The following PTPRR variants were observed in gnomAD, a reference collection of about 807,000 sequenced individuals.
PTPRR encodes protein tyrosine phosphatase receptor type R.
Under a neutral mutation model 77.2 loss-of-function variants are expected in PTPRR, and 38 were observed. The observed-to-expected ratio is 0.49, with a 90% CI of 0.38 to 0.65. The LOEUF is 0.65. Ranked by LOEUF, PTPRR falls within the 30% of genes least tolerant of loss-of-function variation. The pLI is 0.00. For synonymous variants in PTPRR, 299 were observed against 283.1 expected (o/e 1.06, Z -0.57); for missense variants, 744 against 799.2 (o/e 0.93, Z 0.83).
At chr12:70,912,572 A>G (rs1463868531) in intron 1 of PTPRR, among the ~76,000 whole-genome samples, 2 of 152,174 alleles carry the variant, frequency 1.3e-5, no homozygotes, top group African/African-American at 4.8e-5. Context: ...CATAATATAA[A>G]TAATAGTTTT....
At chr12:70,652,200 T>C (rs1886420506) in intron 13 of PTPRR, among the ~76,000 whole-genome samples, 1 of 152,150 alleles carries the variant, frequency 6.6e-6, no homozygotes, top group African/African-American at 2.4e-5. Flanking sequence ...TTTACTGCCA[T>C]GAGCCAAAAA....
At chr12:70,896,997 C>T (rs1893440357) in intron 1 of PTPRR, among the ~76,000 whole-genome samples, 1 of 151,866 alleles carries the variant, frequency 6.6e-6, no homozygotes, top group Non-Finnish European at 1.5e-5. Context: ...CAGTACCATG[C>T]TGTTTTGGTT....
At chr12:70,899,523 C>A (rs1893494123) in intron 1 of PTPRR, among the ~76,000 whole-genome samples, 1 of 151,308 alleles carries the variant, frequency 6.6e-6, no homozygotes, top group Non-Finnish European at 1.5e-5. Context: ...CATGTCTATT[C>A]ATAGTAAGAA....
chr12:70,817,389 T>A (rs1891923599), intron 2 of PTPRR, among the ~76,000 whole-genome samples: 2 of 152,206 alleles, frequency 1.3e-5, no homozygotes, highest in Admixed American at 1.3e-4. Context: ...GTTATTTTCC[T>A]TATTTTAATA....
chr12:70,729,407 C>T (rs1889576979), intron 6 of PTPRR, among the ~76,000 whole-genome samples: 2 of 152,068 alleles, frequency 1.3e-5, no homozygotes, highest in South Asian at 4.1e-4. Context: ...GCTGTTGAAG[C>T]TGAATTTGGA....
intron 13 of PTPRR, among the ~76,000 whole-genome samples, chr12:70,642,976 G>T (rs944872702): frequency 6.6e-6 from 1 of 152,144 alleles, no homozygotes; most frequent in Non-Finnish European, 1.5e-5. Context: ...CTCGAGACCA[G>T]CCTGGGTAAC....
At chr12:70,851,839 G>A (rs1892576613) in intron 2 of PTPRR, among the ~76,000 whole-genome samples, 1 of 152,174 alleles carries the variant, frequency 6.6e-6, no homozygotes, top group Admixed American at 6.5e-5. Flanking sequence ...ATTATGTGCA[G>A]AATAGACAAG....
At chr12:70,766,201 C>A (rs1437763538) in intron 2 of PTPRR, among the ~76,000 whole-genome samples, 1 of 151,940 alleles carries the variant, frequency 6.6e-6, no homozygotes, top group Middle Eastern at 3.2e-3. Flanking sequence ...AGGCTTCAGA[C>A]AATGAAACTA....
At chr12:70,829,705 C>T (rs1173760415) in intron 2 of PTPRR, among the ~76,000 whole-genome samples, 2 of 152,120 alleles carry the variant, frequency 1.3e-5, no homozygotes, top group Non-Finnish European at 2.9e-5. Context: ...AGAACTTTGA[C>T]CTCCCACTCA....
intron 12 of PTPRR, among the ~76,000 whole-genome samples, chr12:70,660,719 A>G (rs1228970258): frequency 1.3e-5 from 2 of 152,230 alleles, no homozygotes; most frequent in Non-Finnish European, 2.9e-5. Context: ...TATTTCGCCG[A>G]CTGTGTAATT....
chr12:70,677,200 T>C (rs529112225), intron 10 of PTPRR, among the ~76,000 whole-genome samples: 42 of 152,296 alleles, frequency 2.8e-4, no homozygotes, highest in Non-Finnish European at 5.4e-4. Context: ...AATTGTTTTC[T>C]TGATTTTGTT....
chr12:70,678,874 G>A (rs1187015193), intron 10 of PTPRR, among the ~76,000 whole-genome samples: 1 of 152,014 alleles, frequency 6.6e-6, no homozygotes, highest in Non-Finnish European at 1.5e-5. Flanking sequence ...TAGAGACAGG[G>A]TTTCACCATG....
intron 2 of PTPRR, among the ~76,000 whole-genome samples, chr12:70,837,419 TAACA>T (rs370337814): frequency 0.01 from 1,553 of 152,258 alleles, 29 homozygotes; most frequent in African/African-American, 0.036. Context: ...AATACAGTAA[TAACA>T]AACAAACAAT....
chr12:70,822,344 G>A (rs999636907), intron 2 of PTPRR, among the ~76,000 whole-genome samples: 3 of 152,238 alleles, frequency 2.0e-5, no homozygotes, highest in Admixed American at 2.0e-4. Flanking sequence ...AGAGAGCTAC[G>A]TTTTTCTGCA....
At chr12:70,822,279 C>G (rs1306211398) in intron 2 of PTPRR, among the ~76,000 whole-genome samples, 1 of 152,144 alleles carries the variant, frequency 6.6e-6, no homozygotes, top group Non-Finnish European at 1.5e-5. Flanking sequence ...ATGGTAACAA[C>G]AGCAGACAGC....
At chr12:70,667,410 GGC>G (rs1887051248) in intron 10 of PTPRR, among the ~76,000 whole-genome samples, 1 of 152,092 alleles carries the variant, frequency 6.6e-6, no homozygotes, top group South Asian at 2.1e-4. Flanking sequence ...ATTTTGTTTG[GGC>G]GCAGTCAGCA....
At chr12:70,685,775 T>C (rs1263951045) in intron 8 of PTPRR, among the ~76,000 whole-genome samples, 2 of 152,260 alleles carry the variant, frequency 1.3e-5, no homozygotes, top group Non-Finnish European at 2.9e-5. Context: ...GAGTCTGTTC[T>C]CATTGCTTTA....
intron 1 of PTPRR, among the ~76,000 whole-genome samples, chr12:70,900,518 G>C (rs1893514073): frequency 6.6e-6 from 1 of 151,372 alleles, no homozygotes; most frequent in African/African-American, 2.4e-5. Context: ...AGCAAAAATA[G>C]ACAAATGGGA....
chr12:70,713,334 G>C (rs1313352480), intron 6 of PTPRR, among the ~76,000 whole-genome samples: 3 of 152,104 alleles, frequency 2.0e-5, no homozygotes, highest in Non-Finnish European at 4.4e-5. Flanking sequence ...CTTTTGGCTA[G>C]TATGAATTAT....
Sources: gnomAD v4.1 joint callset for allele counts (sites outside exome capture counted in the v4.1 genomes callset) on GRCh38, gnomAD v4.1.1 for gene constraint, MANE v1.5 for transcripts, NCBI Gene and HGNC (gene_info 2026-07-23, HGNC 2026-07-21) for gene names.